The following UNC13C variants were observed in gnomAD, a reference collection of about 807,000 sequenced individuals.
UNC13C encodes the protein unc-13 homolog C, also known as protein unc-13 homolog C.
UNC13C carries 174 observed loss-of-function variants against 245.4 expected under a neutral mutation model. The observed-to-expected ratio is 0.71, with a 90% CI of 0.63 to 0.80. The LOEUF is 0.80. Among genes scored for constraint, UNC13C ranks in the 30% least tolerant of loss-of-function variants. The probability of loss-of-function intolerance (pLI) is 0.00; values close to 1 mark genes in which losing one functional copy is unlikely to be tolerated. For missense variants in UNC13C, 2,829 were observed against 2,602.9 expected (o/e 1.09, Z -1.89); for synonymous variants, 992 against 895.1 (o/e 1.11, Z -1.93).
At chr15:54,169,111 GAA>G in intron 4 of UNC13C, among the ~76,000 whole-genome samples, 1 of 152,268 alleles carries the variant, frequency 6.6e-6, no homozygotes, top group South Asian at 2.1e-4. Context: ...TGAAGAAGTA[GAA>G]CCAGGCAGAG....
At chr15:53,867,972 A>C in the UNC13C span, among the ~76,000 whole-genome samples, 98 of 152,178 alleles carry the variant, frequency 6.4e-4, no homozygotes, top group African/African-American at 2.3e-3. Flanking sequence ...CTGGGACCAC[A>C]GGCACCTGCC....
intron 4 of UNC13C, among the ~76,000 whole-genome samples, chr15:54,211,997 G>C (rs1336858690): frequency 6.6e-6 from 1 of 151,908 alleles, no homozygotes; most frequent in Non-Finnish European, 1.5e-5. Context: ...TTTTATATGG[G>C]GTCCTAATTG....
intron 4 of UNC13C, among the ~76,000 whole-genome samples, chr15:54,176,314 C>T (rs1454747708): frequency 1.3e-5 from 2 of 152,016 alleles, no homozygotes; most frequent in South Asian, 2.1e-4. Flanking sequence ...AGATAGGAGC[C>T]AATTACAGTG....
intron 19 of UNC13C, among the ~76,000 whole-genome samples, chr15:54,467,603 G>C (rs1892248634): frequency 6.6e-6 from 1 of 151,538 alleles, no homozygotes. Flanking sequence ...AACTGTCTAT[G>C]GTTTCACTAA....
At chr15:54,261,522 G>GTTTGTTTGTTTTGTTTTGTTTTGT (rs372218365) in intron 8 of UNC13C, among the ~76,000 whole-genome samples, 4 of 150,566 alleles carry the variant, frequency 2.7e-5, no homozygotes, top group African/African-American at 9.8e-5. Context: ...ATTTTTGTTT[G>GTTTGTTTGTTTTGTTTTGTTTTGT]TTTGTTTTGT....
intron 19 of UNC13C, among the ~76,000 whole-genome samples, chr15:54,447,201 T>C (rs950417442): frequency 2.0e-5 from 3 of 152,216 alleles, no homozygotes; most frequent in African/African-American, 7.2e-5. Flanking sequence ...GTCAGTATTT[T>C]ATTGAGGATA....
At chr15:54,537,356 AT>A (rs199817478) in intron 26 of UNC13C, among the ~76,000 whole-genome samples, 7,959 of 152,218 alleles carry the variant, frequency 0.052, 351 homozygotes, top group Admixed American at 0.13. Flanking sequence ...ATGGAAAAAT[AT>A]TCCATGCTCA....
At position 54,567,829 on chromosome 15, in the gene UNC13C, G is replaced by A; in HGVS notation, c.5988G>A (p.Leu1996=). 6.2e-7 allele frequency: 1 copy of A among 1,603,974 alleles called. No individual in the cohort carries two copies. The highest frequency in any genetic ancestry group is 8.5e-7 in the Non-Finnish European group (1 of 1,174,576). Residue 1996 remains leucine, a synonymous_variant, in exon 30 of 33, where the codon CTG becomes CTA. Transcript: ENST00000260323. ...KQYFHAGGNG[L]KKNFLEKSPD... ...ACTTTCATGCAGGAGGAAATGGCCTGAAAAAGAATTTCTTGGAGAAAAGCC... is the reference window on the plus strand; with the variant it reads ...ACTTTCATGCAGGAGGAAATGGCCTAAAAAAGAATTTCTTGGAGAAAAGCC...
chr15:53,921,486 A>C, the UNC13C span, among the ~76,000 whole-genome samples: 1 of 152,234 alleles, frequency 6.6e-6, no homozygotes, highest in South Asian at 2.1e-4. Context: ...AAAGTTGGCC[A>C]ATTCTCTGTG....
chr15:54,222,687 G>A (rs1231898892), intron 4 of UNC13C, among the ~76,000 whole-genome samples: 1 of 152,004 alleles, frequency 6.6e-6, no homozygotes. Flanking sequence ...CATAGTGCTT[G>A]TGCTAATTTA....
intron 30 of UNC13C, among the ~76,000 whole-genome samples, chr15:54,571,185 G>A (rs1016090112): frequency 1.9e-4 from 29 of 152,190 alleles, no homozygotes; most frequent in African/African-American, 7.0e-4. Context: ...ATATCCAAGA[G>A]TGGGTAATTT....
chr15:54,262,603 T>C (rs1305349932), intron 8 of UNC13C, among the ~76,000 whole-genome samples: 1 of 152,234 alleles, frequency 6.6e-6, no homozygotes, highest in Non-Finnish European at 1.5e-5. Context: ...GTAGCTATTC[T>C]AGGGACATGT....
intron 4 of UNC13C, among the ~76,000 whole-genome samples, chr15:54,171,279 C>T (rs1567065856): frequency 6.6e-6 from 1 of 152,040 alleles, no homozygotes; most frequent in Non-Finnish European, 1.5e-5. Context: ...AAAGCTTCTG[C>T]ATACCAAAGG....
intron 4 of UNC13C, among the ~76,000 whole-genome samples, chr15:54,222,463 G>A (rs1313311612): frequency 6.6e-6 from 1 of 152,020 alleles, no homozygotes. Flanking sequence ...ACTTCATTGT[G>A]TATAGGTACA....
intron 17 of UNC13C, among the ~76,000 whole-genome samples, chr15:54,388,671 C>T (rs1304737291): frequency 9.9e-5 from 15 of 152,166 alleles, no homozygotes; most frequent in Admixed American, 9.8e-4. Context: ...TCCGTTTCAG[C>T]AGGGGCCTCT....
At chr15:54,105,675 A>C (rs1900409725) in intron 2 of UNC13C, among the ~76,000 whole-genome samples, 1 of 152,240 alleles carries the variant, frequency 6.6e-6, no homozygotes, top group South Asian at 2.1e-4. Flanking sequence ...ATATAGAGAC[A>C]GAAAAACTAC....
At chr15:54,321,408 G>T in intron 13 of UNC13C, 1 of 493,832 alleles carries the variant, frequency 2.0e-6, no homozygotes, top group South Asian at 1.5e-5. Flanking sequence ...ATCTTCTCTT[G>T]AGACAGCTCT....
chr15:54,297,959 T>C, intron 12 of UNC13C, 33 bp downstream of exon 12: 1 of 1,288,044 alleles, frequency 7.8e-7, no homozygotes, highest in Non-Finnish European at 1.1e-6. Flanking sequence ...ATACAAAATA[T>C]AAGAAATGTT....
At chr15:53,853,673 TA>T in the UNC13C span, among the ~76,000 whole-genome samples, 12 of 152,356 alleles carry the variant, frequency 7.9e-5, 1 homozygote, top group South Asian at 2.5e-3. Context: ...TCTGACTTTT[TA>T]ATAATAGCCA....
Sources: allele counts gnomAD v4.1 joint callset (sites outside exome capture counted in the v4.1 genomes callset), GRCh38; gene constraint gnomAD v4.1.1; transcripts MANE v1.5; gene names NCBI Gene and HGNC (gene_info 2026-07-23, HGNC 2026-07-21).